DOCK8: variants seen among roughly 807,000 people sequenced by gnomAD.
DOCK8 encodes the protein dedicator of cytokinesis protein 8.
In DOCK8, 141 loss-of-function variants were observed where a neutral mutation model predicts 245.6. The observed-to-expected ratio is 0.57, with a 90% CI of 0.50 to 0.66. The LOEUF is 0.66. Ranked by LOEUF, DOCK8 falls within the 30% of genes least tolerant of loss-of-function variation. The pLI is 0.00. For synonymous variants in DOCK8, 1,168 were observed against 970.2 expected (o/e 1.20, Z -3.79); for missense variants, 2,965 against 2,603.4 (o/e 1.14, Z -3.02).
chr9:246,057 T>C (rs2047498794), intron 1 of DOCK8, among the ~76,000 whole-genome samples: 2 of 151,846 alleles, frequency 1.3e-5, no homozygotes, highest in African/African-American at 4.8e-5. Context: ...TAGTCTCTAC[T>C]AAAAATACAA....
intron 18 of DOCK8, among the ~76,000 whole-genome samples, chr9:375,014 A>C (rs1374858403): frequency 2.0e-5 from 3 of 152,196 alleles, no homozygotes; most frequent in African/African-American, 7.2e-5. Flanking sequence ...CTGGGATATA[A>C]GGCCAATTTT....
intron 39 of DOCK8, among the ~76,000 whole-genome samples, chr9:437,011 A>G (rs1004916227): frequency 6.6e-6 from 1 of 152,236 alleles, no homozygotes; most frequent in Non-Finnish European, 1.5e-5. Context: ...GGAGGCAATG[A>G]GTTAGGTGTT....
At chr9:317,753 A>G (rs976118872) in intron 7 of DOCK8, among the ~76,000 whole-genome samples, 1 of 152,186 alleles carries the variant, frequency 6.6e-6, no homozygotes, top group African/African-American at 2.4e-5. Flanking sequence ...CCAAATAAAC[A>G]GGCCCATTTT....
chr9:271,673 C>T lies in DOCK8; in HGVS notation c.100C>T (p.Leu34Phe). The change falls in exon 2 of 48, where the codon CTT becomes TTT. Residue 34 changes from leucine to phenylalanine, a missense_variant. Around this residue, in one of 3 missense-constraint regions of DOCK8, gnomAD observed 2,825 missense variants for 2,453.5 expected, o/e 1.15. Coordinates refer to ENST00000432829, the MANE Select transcript of DOCK8 (RefSeq NM_203447.4). The stretch of plus-strand genomic sequence containing the variant: ...GAAACAGTTTACTCTCCCACCAAAC[C>T]TTGGCCAGTACCATCGACAGAGCAT... ...IRKQFTLPPN[L>F]GQYHRQSIST... is the part of the protein sequence containing the mutation. 1 of 1,551,828 alleles carries T rather than the reference C, an allele frequency of 6.4e-7. No homozygotes were observed. Among genetic ancestry groups the T allele is most frequent in the Non-Finnish European group, 8.7e-7 (1 of 1,146,898 alleles).
At chr9:425,497 ACT>A (rs1554703340) in intron 33 of DOCK8, among the ~76,000 whole-genome samples, 8 of 135,944 alleles carry the variant, frequency 5.9e-5, no homozygotes, top group East Asian at 4.0e-4. Context: ...GCGCCACTGC[ACT>A]CTGCACTCCA....
intron 6 of DOCK8, among the ~76,000 whole-genome samples, chr9:314,998 A>G (rs554200506): frequency 2.5e-4 from 38 of 152,310 alleles, no homozygotes; most frequent in African/African-American, 5.1e-4. Context: ...AAGGCATTCT[A>G]TGTCAATCCC....
intron 14 of DOCK8, among the ~76,000 whole-genome samples, chr9:354,238 A>G (rs987028897): frequency 3.3e-5 from 5 of 152,148 alleles, no homozygotes; most frequent in African/African-American, 1.2e-4. Flanking sequence ...AGGCTGAGGC[A>G]GGAGAATCAC....
intron 1 of DOCK8, among the ~76,000 whole-genome samples, chr9:250,259 G>A (rs1438653926): frequency 6.6e-6 from 1 of 152,218 alleles, no homozygotes; most frequent in African/African-American, 2.4e-5. Flanking sequence ...TTGGGCAAAA[G>A]AGGATAAATT....
At chr9:302,753 A>G (rs923177195) in intron 4 of DOCK8, among the ~76,000 whole-genome samples, 6 of 152,328 alleles carry the variant, frequency 3.9e-5, no homozygotes, top group South Asian at 4.1e-4. Flanking sequence ...AAAATGCTTA[A>G]CATCACTAAT....
At chr9:341,769 G>A (rs1215185625) in intron 14 of DOCK8, among the ~76,000 whole-genome samples, 1 of 152,200 alleles carries the variant, frequency 6.6e-6, no homozygotes, top group African/African-American at 2.4e-5. Flanking sequence ...GAACCAGGCT[G>A]CATGGCAGGA....
Position 265,261 on chromosome 9 carries a change from C to T in DOCK8, c.54-6366C>T, listed in dbSNP as rs529587747. 6.6e-5 allele frequency among the ~76,000 whole-genome samples: 10 copies of T among 152,224 alleles called. No homozygotes were observed. In the South Asian group the frequency reaches 2.1e-3, roughly 32 times the overall value. On this transcript the variant is annotated intron_variant, in intron 1 of 47. Transcript: ENST00000432829. ...CCTTGATTTTTAAAAAAATACTACCCTGCCCTAACCTTGTAACTTAGGAAG... is the reference window on the plus strand; with the variant it reads ...CCTTGATTTTTAAAAAAATACTACCTTGCCCTAACCTTGTAACTTAGGAAG...
At chr9:306,047 C>G (rs1263288078) in intron 5 of DOCK8, among the ~76,000 whole-genome samples, 1 of 152,116 alleles carries the variant, frequency 6.6e-6, no homozygotes, top group Admixed American at 6.6e-5. Flanking sequence ...GTGTTTAACA[C>G]TACTGAGCTG....
At chr9:344,345 T>A (rs768696585) in intron 14 of DOCK8, among the ~76,000 whole-genome samples, 1 of 152,210 alleles carries the variant, frequency 6.6e-6, no homozygotes, top group Non-Finnish European at 1.5e-5. Context: ...GGAAGCATCT[T>A]GTCTAAATAT....
At chr9:215,814 T>A (rs1174535278) in intron 1 of DOCK8, 1 of 174,350 alleles carries the variant, frequency 5.7e-6, no homozygotes, top group Admixed American at 6.5e-5. Context: ...CAGTTTTTCC[T>A]CCACTAAAAA....
At position 349,313 on chromosome 9, in the gene DOCK8, A is replaced by C. The variant is rs976837459; in HGVS notation, c.1679+8992A>C. On this transcript the variant is annotated intron_variant, in intron 14 of 47. Transcript: ENST00000432829. ...ACAACAGAAAGATTCTAAAACTTTCAAAAAATGTGCCAGTCCTGGCTGCTT... is the reference window on the plus strand; with the variant it reads ...ACAACAGAAAGATTCTAAAACTTTCCAAAAATGTGCCAGTCCTGGCTGCTT... Among the ~76,000 whole-genome samples the C allele has an allele frequency of 1.0e-4, 11 of 106,450 alleles. No homozygotes were observed. The South Asian group carries it at 1.9e-3, about 18-fold the overall frequency. 69.8% of individuals were successfully genotyped at this position (106,450 alleles called of 152,430 possible). A position where few individuals can be genotyped will look rare whatever the true frequency, so the allele number is the denominator to read the frequency against.
At chr9:342,598 T>G (rs2051663575) in intron 14 of DOCK8, among the ~76,000 whole-genome samples, 1 of 152,006 alleles carries the variant, frequency 6.6e-6, no homozygotes, top group Non-Finnish European at 1.5e-5. Flanking sequence ...GCTGCCCGAG[T>G]AGCTGGGACT....
At chr9:272,927 C>A in intron 2 of DOCK8, 1 of 532,906 alleles carries the variant, frequency 1.9e-6, no homozygotes, top group Non-Finnish European at 2.4e-6. Flanking sequence ...CACAGCAGCA[C>A]TCTTGCTGGT....
At position 339,021 on chromosome 9, in the gene DOCK8, A is replaced by C. The variant is rs2051448815; in HGVS notation, c.1438A>C (p.Ser480Arg). ...CTCTTGGCAGGAAGGAGATCGCCTTAGCGATGAAGACTTATTCAAGTTTTT... is the reference window on the plus strand; with the variant it reads ...CTCTTGGCAGGAAGGAGATCGCCTTCGCGATGAAGACTTATTCAAGTTTTT... ...SFFKQEGDRLSDEDLFKFLAD... is the reference protein window; with the variant it reads ...SFFKQEGDRLRDEDLFKFLAD... Residue 480 changes from serine (S) to arginine (R), a missense_variant, in exon 13 of 48, where the codon AGC (serine) becomes CGC (arginine). Physicochemically the swap from Ser to Arg is moderately radical, Grantham distance 110. This residue lies in a region of DOCK8 where 2,825 missense variants were observed against 2,453.5 expected (regional missense o/e 1.15). Coordinates refer to ENST00000432829, the MANE Select transcript of DOCK8 (RefSeq NM_203447.4). 1.2e-6 allele frequency: 2 copies of C among 1,613,962 alleles called. No homozygotes were observed. Among genetic ancestry groups the C allele is most frequent in the Non-Finnish European group, 1.7e-6 (2 of 1,179,958 alleles).
intron 1 of DOCK8, among the ~76,000 whole-genome samples, chr9:219,742 C>T (rs1363949520): frequency 1.3e-5 from 2 of 152,074 alleles, no homozygotes; most frequent in South Asian, 4.1e-4. Context: ...ACAAAAAATA[C>T]AAAAATTAGC....
Sources: gnomAD v4.1 joint callset for allele counts (sites outside exome capture counted in the v4.1 genomes callset) on GRCh38, gnomAD v4.1.1 for gene constraint, gnomAD v4.1.1 regional missense constraint, MANE v1.5 for transcripts, NCBI Gene and HGNC (gene_info 2026-07-23, HGNC 2026-07-21) for gene names.